KCNS3: variants seen among roughly 807,000 people sequenced by gnomAD.
The protein encoded by KCNS3 is potassium voltage-gated channel modifier subfamily S member 3, also known as delayed-rectifier potassium channel regulatory subunit KCNS3.
Under a neutral mutation model 31.0 loss-of-function variants are expected in KCNS3, and 13 were observed. That is an observed-to-expected ratio of 0.42 (90% CI 0.27 to 0.67). KCNS3 has a LOEUF of 0.67. Among genes scored for constraint, KCNS3 ranks in the 30% least tolerant of loss-of-function variants. KCNS3 has a pLI of 0.25. For synonymous variants in KCNS3, 238 were observed against 241.5 expected, an observed-to-expected ratio of 0.99 and a Z score of 0.13; for missense variants, 545 against 622.4, an observed-to-expected ratio of 0.88 and a Z score of 1.32.
chr2:17,921,955 AT>A (rs1666334952), intron 2 of KCNS3, among the ~76,000 whole-genome samples: 1 of 136,584 alleles, frequency 7.3e-6, no homozygotes. Context: ...ATATATATAT[AT>A]ATAAATACAT....
rs768039886 is a variant in KCNS3 at position 17,899,505 on chromosome 2, CAG to C, written c.-251-18173_-251-18172del. Among the ~76,000 whole-genome samples, 210 of 152,222 alleles carry C rather than the reference CAG, an allele frequency of 1.4e-3. 2 individuals are homozygous for C. The highest frequency in any genetic ancestry group is 2.1e-3 in the Non-Finnish European group (144 of 68,002). ...TAATAATTTAGCTACATTATACAAA[CAG>C]AAAGTGGTAGTTACAGAATCTGTGC... On this transcript the variant is annotated intron_variant, in intron 1 of 2. Coordinates refer to ENST00000304101, the MANE Select transcript of KCNS3 (RefSeq NM_002252.5).
intron 1 of KCNS3, among the ~76,000 whole-genome samples, chr2:17,895,736 A>G (rs1315860459): frequency 2.0e-5 from 3 of 152,196 alleles, no homozygotes; most frequent in Non-Finnish European, 4.4e-5. Context: ...ACACTGGGAA[A>G]GTTTCCTGGA....
intron 1 of KCNS3, among the ~76,000 whole-genome samples, chr2:17,883,107 A>T (rs768924905): frequency 6.6e-6 from 1 of 152,190 alleles, no homozygotes; most frequent in Non-Finnish European, 1.5e-5. Context: ...TTAGCCAATA[A>T]TGTTACAGTT....
intron 1 of KCNS3, among the ~76,000 whole-genome samples, chr2:17,904,050 T>C (rs1662252835): frequency 6.6e-6 from 1 of 152,160 alleles, no homozygotes; most frequent in Admixed American, 6.5e-5. Context: ...TCCACAATGG[T>C]TGAACTAGTT....
At chr2:17,896,969 G>C (rs1331277859) in intron 1 of KCNS3, among the ~76,000 whole-genome samples, 1 of 152,064 alleles carries the variant, frequency 6.6e-6, no homozygotes, top group Non-Finnish European at 1.5e-5. Flanking sequence ...CTGAGGTTTG[G>C]GGTATGATGG....
chr2:17,913,334 G>A (rs1418374296), intron 1 of KCNS3, among the ~76,000 whole-genome samples: 1 of 152,230 alleles, frequency 6.6e-6, no homozygotes, highest in African/African-American at 2.4e-5. Context: ...GTCTCCACAA[G>A]GTTGGAACTT....
intron 1 of KCNS3, among the ~76,000 whole-genome samples, chr2:17,902,522 T>C (rs1201917841): frequency 6.6e-6 from 1 of 152,214 alleles, no homozygotes; most frequent in Non-Finnish European, 1.5e-5. Flanking sequence ...CTGGTGGTTT[T>C]TATGAAAACA....
intron 1 of KCNS3, among the ~76,000 whole-genome samples, chr2:17,893,872 A>G (rs897781197): frequency 2.0e-5 from 3 of 148,966 alleles, no homozygotes; most frequent in African/African-American, 7.5e-5. Context: ...AAAATTCACA[A>G]TGCGAGCCTC....
intron 1 of KCNS3, among the ~76,000 whole-genome samples, chr2:17,880,551 A>C (rs963278309): frequency 5.3e-5 from 8 of 152,228 alleles, no homozygotes; most frequent in African/African-American, 1.9e-4. Context: ...CATGTTGTGA[A>C]TATACTAAGG....
At chr2:17,889,174 A>T in intron 1 of KCNS3, among the ~76,000 whole-genome samples, 1 of 151,194 alleles carries the variant, frequency 6.6e-6, no homozygotes, top group South Asian at 2.1e-4. Flanking sequence ...TAAGTATTTT[A>T]TTTTTTTTGC....
intron 1 of KCNS3, among the ~76,000 whole-genome samples, chr2:17,904,573 T>G (rs1454951912): frequency 3.9e-5 from 6 of 152,156 alleles, no homozygotes; most frequent in Non-Finnish European, 4.4e-5. Flanking sequence ...GGTTTTCCTC[T>G]AGGGTTTTTA....
At chr2:17,906,151 C>G (rs1272408324) in intron 1 of KCNS3, among the ~76,000 whole-genome samples, 1 of 152,154 alleles carries the variant, frequency 6.6e-6, no homozygotes, top group Non-Finnish European at 1.5e-5. Context: ...TGTTATTGGT[C>G]TATTCAGGGA....
At chr2:17,904,694 C>G (rs1662273487) in intron 1 of KCNS3, among the ~76,000 whole-genome samples, 1 of 152,156 alleles carries the variant, frequency 6.6e-6, no homozygotes, top group Admixed American at 6.5e-5. Flanking sequence ...CCAGTTTTCC[C>G]AGCACCATTT....
intron 2 of KCNS3, among the ~76,000 whole-genome samples, chr2:17,927,604 A>C (rs1662867395): frequency 6.6e-6 from 1 of 152,206 alleles, no homozygotes; most frequent in South Asian, 2.1e-4. Flanking sequence ...ATGGTGGCAG[A>C]TGAGAGATGA....
At chr2:17,903,530 A>G (rs1324726038) in intron 1 of KCNS3, among the ~76,000 whole-genome samples, 3 of 152,136 alleles carry the variant, frequency 2.0e-5, no homozygotes, top group Non-Finnish European at 4.4e-5. Flanking sequence ...ATATGTATAC[A>G]TGTGCCATGT....
At chr2:17,926,377 A>G (rs937701328) in intron 2 of KCNS3, among the ~76,000 whole-genome samples, 1 of 152,160 alleles carries the variant, frequency 6.6e-6, no homozygotes, top group Non-Finnish European at 1.5e-5. Flanking sequence ...TCACAGCTCC[A>G]CTTGGCAGTG....
chr2:17,910,230 G>A (rs1164362597), intron 1 of KCNS3, among the ~76,000 whole-genome samples: 2 of 152,172 alleles, frequency 1.3e-5, no homozygotes, highest in African/African-American at 4.8e-5. Flanking sequence ...GTAATAATGA[G>A]TATAAATGAT....
chr2:17,890,643 T>C (rs1161067597), intron 1 of KCNS3, among the ~76,000 whole-genome samples: 5 of 152,194 alleles, frequency 3.3e-5, no homozygotes, highest in African/African-American at 1.2e-4. Context: ...GTCATTCAGT[T>C]TGAAGAATTT....
At chr2:17,915,430 T>G (rs1662567571) in intron 1 of KCNS3, among the ~76,000 whole-genome samples, 1 of 152,186 alleles carries the variant, frequency 6.6e-6, no homozygotes, top group South Asian at 2.1e-4. Context: ...CAAAGCCTAC[T>G]GGCTTGGGTC....
Sources: allele counts gnomAD v4.1 joint callset (sites outside exome capture counted in the v4.1 genomes callset), GRCh38; gene constraint gnomAD v4.1.1; transcripts MANE v1.5; gene names NCBI Gene and HGNC (gene_info 2026-07-23, HGNC 2026-07-21).